The following TOP2A variants were observed in gnomAD, a reference collection of about 807,000 sequenced individuals.
The protein encoded by TOP2A is DNA topoisomerase 2-alpha.
A neutral mutation model predicts 187.2 loss-of-function variants in TOP2A; 68 were observed. That is an observed-to-expected ratio of 0.36 (90% CI 0.30 to 0.44). TOP2A has a LOEUF of 0.44. TOP2A is among the 20% of genes least tolerant of loss of function. The pLI is 1.00. For missense variants in TOP2A, 1,196 were observed against 1,808.7 expected (o/e 0.66, Z 6.14); for synonymous variants, 542 against 593.2 (o/e 0.91, Z 1.25).
intron 4 of TOP2A, among the ~76,000 whole-genome samples, chr17:40,414,637 T>C (rs2035367932): frequency 6.6e-6 from 1 of 152,052 alleles, no homozygotes; most frequent in African/African-American, 2.4e-5. Context: ...GCAGATCACT[T>C]GAGGTCAGGA....
At chr17:40,396,227 C>A in intron 28 of TOP2A, 56 bp downstream of exon 28, 1 of 945,488 alleles carries the variant, frequency 1.1e-6, no homozygotes, top group Non-Finnish European at 1.6e-6. Context: ...GTGATCCACC[C>A]ACCTTGGCCC....
At position 40,390,183 on chromosome 17, in the gene TOP2A, A is replaced by G. The variant is rs1279793758; in HGVS notation, c.4268-19T>C. The G allele has an allele frequency of 2.5e-6, 4 of 1,596,318 alleles. No individual in the cohort carries two copies. Among genetic ancestry groups the G allele is most frequent in the Non-Finnish European group, 3.4e-6 (4 of 1,171,946 alleles). ...GACTGACCTGCAATTCAATACAGGC[A>G]TTTGTCACAGCTGCTCTTTTTTTGA... On this transcript the variant is annotated intron_variant, in intron 33 of 34. Transcript: ENST00000423485.
At chr17:40,413,083 C>CAATATAAG in intron 6 of TOP2A, 112 bp from the exon 7 acceptor site, 1 of 1,275,450 alleles carries the variant, frequency 7.8e-7, no homozygotes, top group Non-Finnish European at 1.1e-6. Flanking sequence ...TTATAATTTT[C>CAATATAAG]CATACTTCAA....
intron 21 of TOP2A, 39 bp downstream of exon 21, chr17:40,400,811 A>G: frequency 6.3e-7 from 1 of 1,598,236 alleles, no homozygotes; most frequent in Non-Finnish European, 8.6e-7. Context: ...CTGAAACCCA[A>G]GGAAAAGTTA....
At position 40,406,958 on chromosome 17, in the gene TOP2A, A is replaced by G. The variant is rs961940356; in HGVS notation, c.1627-16T>C. On this transcript the variant is annotated splice_polypyrimidine_tract_variant and intron_variant, in intron 13 of 34. Transcript: ENST00000423485. ...CATCTTGGTCCTAGAAAGATTTGAA[A>G]GCCAAAGTTCAAAAGAACTGTTAGG... 1 of 1,562,534 alleles carries G rather than the reference A, an allele frequency of 6.4e-7. No homozygotes were observed. The highest frequency in any genetic ancestry group is 1.4e-5 in the African/African-American group (1 of 73,954).
At chr17:40,402,309 G>C (rs1424717629) in intron 20 of TOP2A, among the ~76,000 whole-genome samples, 1 of 152,198 alleles carries the variant, frequency 6.6e-6, no homozygotes, top group Non-Finnish European at 1.5e-5. Flanking sequence ...GGGAGTTCAG[G>C]GGAGAGACCA....
rs758396349 is a variant in TOP2A, at chr17:40,400,901, T to C, written c.2613A>G (p.Glu871=). The C allele has an allele frequency of 1.2e-6, 2 of 1,614,022 alleles. No homozygotes were observed. The highest frequency in any genetic ancestry group is 8.5e-7 in the Non-Finnish European group (1 of 1,179,890). ...TCAAACGCCTGATGTTATTTACAAT[T>C]TCACGCACATCAAAGTTGGGGATTT... ...SCKIPNFDVR[E]IVNNIRRLMD... Residue 871 remains glutamate (E), a synonymous_variant, in exon 21 of 35, where the codon GAA becomes GAG. Coordinates refer to ENST00000423485, the MANE Select transcript of TOP2A (RefSeq NM_001067.4).
At chr17:40,407,732 A>C in intron 12 of TOP2A, 58 bp from the exon 13 acceptor site, 2 of 1,462,978 alleles carry the variant, frequency 1.4e-6, no homozygotes, top group South Asian at 1.3e-5. Context: ...GAACAAAGAA[A>C]TTTAACAGTA....
rs573725979 is a variant in TOP2A at position 40,389,450 on chromosome 17, A to G, written c.*69T>C. ...TAAATTCAGAGGGGAGGAAGTTAAG[A>G]GCTTCAGGTAACTTTAAAACCAGTC... On this transcript the variant is annotated 3_prime_UTR_variant, in exon 35 of 35. Coordinates refer to ENST00000423485, the MANE Select transcript of TOP2A (RefSeq NM_001067.4). 19 of 1,508,106 alleles carry G rather than the reference A, an allele frequency of 1.3e-5. No individual in the cohort carries two copies. In the East Asian group the frequency reaches 2.0e-4, roughly 16 times the overall value. The allele number at this position is 1,508,106 out of a possible 1,614,324, so 93.4% of individuals were successfully genotyped here.
chr17:40,401,104 G>A (rs2143650039), intron 20 of TOP2A, 23 bp from the exon 21 acceptor site: 2 of 1,585,716 alleles, frequency 1.3e-6, no homozygotes, highest in East Asian at 2.2e-5. Context: ...AACAAAGAAT[G>A]TTATTTTACA....
chr17:40,398,493 G>A, intron 27 of TOP2A, 65 bp downstream of exon 27: 1 of 1,342,202 alleles, frequency 7.5e-7, no homozygotes, highest in Non-Finnish European at 1.0e-6. Context: ...CTTGACAAAG[G>A]TATACTGCTG....
rs565043919 is a variant in TOP2A, at chr17:40,405,046, A to G, written c.1954-163T>C. ...GTTCTCTTGCCCAGCCTGGAGTGCA[A>G]TGGTGTCATCTTGGCTCACTGCAAC... is the stretch of plus-strand genomic sequence containing the variant. On this transcript the variant is annotated intron_variant, in intron 16 of 34. Transcript: ENST00000423485. 7.3e-4 allele frequency among the ~76,000 whole-genome samples: 110 copies of G among 151,416 alleles called. No individual in the cohort carries two copies. In the Middle Eastern group the frequency reaches 0.014, roughly 19 times the overall value.
chr17:40,413,236 C>T lies in TOP2A; in HGVS notation c.535G>A (p.Val179Met). 1 of 1,566,422 alleles carries T rather than the reference C, an allele frequency of 6.4e-7. No individual in the cohort carries two copies. Among genetic ancestry groups the T allele is most frequent in the Admixed American group, 1.9e-5 (1 of 53,320 alleles). ...TTGTATTCTCTACTGGCTGTTTCCA[C>T]AGTAAATTTGGTACTGAATATGTTA... ...LCNIFSTKFT[V>M]ETASREYKKM... Residue 179 changes from valine (V) to methionine (M), a missense_variant, in exon 6 of 35, where the codon GTG (valine) becomes ATG (methionine). Physicochemically the swap from Val to Met is conservative, Grantham distance 21. This residue lies in a region of TOP2A where 252 missense variants were observed against 434.8 expected (regional missense o/e 0.58). Coordinates refer to ENST00000423485, the MANE Select transcript of TOP2A (RefSeq NM_001067.4).
At position 40,401,092 on chromosome 17, in the gene TOP2A, G is replaced by C. The variant is rs770874438; in HGVS notation, c.2433-11C>G. ...AATCGAGCCAAAGAGCTAAAGAAAA[G>C]AAACAAAGAATGTTATTTTACAAAA... On this transcript the variant is annotated splice_polypyrimidine_tract_variant and intron_variant, in intron 20 of 34. Transcript: ENST00000423485. 1 of 1,602,704 alleles carries C rather than the reference G, an allele frequency of 6.2e-7. No homozygotes were observed. The highest frequency in any genetic ancestry group is 8.5e-7 in the Non-Finnish European group (1 of 1,172,086).
Position 40,388,837 on chromosome 17 carries a change from G to A in TOP2A, c.*682C>T, listed in dbSNP as rs2034988761. ...TTTGGGAGATTCAGACTCAGAGGCA[G>A]CCAGAGGGGACAGGTCAAGAGCTGA... On this transcript the variant is annotated 3_prime_UTR_variant, in exon 35 of 35. Transcript: ENST00000423485. The A allele has an allele frequency of 5.0e-6, 1 of 198,512 alleles. No individual in the cohort carries two copies. The highest frequency in any genetic ancestry group is 2.3e-5 in the African/African-American group (1 of 43,374). 12.3% of individuals were successfully genotyped at this position (198,512 alleles called of 1,614,324 possible). A position where few individuals can be genotyped will look rare whatever the true frequency, so the allele number is the denominator to read the frequency against.
intron 20 of TOP2A, among the ~76,000 whole-genome samples, chr17:40,402,061 G>T (rs1567785625): frequency 6.6e-6 from 1 of 152,116 alleles, no homozygotes; most frequent in Non-Finnish European, 1.5e-5. Flanking sequence ...GATGAGATGG[G>T]GGTGGCTTAG....
rs747478111 is a variant in TOP2A at position 40,406,680 on chromosome 17, T to C, written c.1747A>G (p.Asn583Asp). Residue 583 changes from asparagine (N) to aspartate (D), a missense_variant, in exon 15 of 35, where the codon AAC (asparagine) becomes GAC (aspartate). Physicochemically the swap from Asn to Asp is conservative, Grantham distance 23. Coordinates refer to ENST00000423485, the MANE Select transcript of TOP2A (RefSeq NM_001067.4). ...CTGTAAAATGCCATTTCTTGCTTGT[T>C]TTTAGATACCTGTGATAAAAAACAA... ...FITPIVKVSK[N>D]KQEMAFYSLP... 11 of 1,612,388 alleles carry C rather than the reference T, an allele frequency of 6.8e-6. No individual in the cohort carries two copies. The South Asian group carries it at 1.2e-4, about 18-fold the overall frequency.
intron 29 of TOP2A, 86 bp downstream of exon 29, chr17:40,395,363 G>A: frequency 1.4e-6 from 1 of 709,516 alleles, no homozygotes; most frequent in Non-Finnish European, 2.2e-6. Flanking sequence ...CAACAAAAAG[G>A]TTTTGAACAT....
chr17:40,408,874 T>C lies in TOP2A; in HGVS notation c.1204-244A>G, dbSNP rs376091883. 508 of 608,792 alleles carry C rather than the reference T, an allele frequency of 8.3e-4. No individual in the cohort carries two copies. The African/African-American group carries it at 8.7e-3, about 10-fold the overall frequency. 37.7% of individuals were successfully genotyped at this position (608,792 alleles called of 1,614,324 possible). A position where few individuals can be genotyped will look rare whatever the true frequency, so the allele number is the denominator to read the frequency against. On this transcript the variant is annotated intron_variant, in intron 10 of 34. Coordinates refer to ENST00000423485, the MANE Select transcript of TOP2A (RefSeq NM_001067.4). ...CTATATAATTATATTGTGCTAGCAC[T>C]GAGCTACTTGTTGGAGATATAGTGG...
Sources: allele counts gnomAD v4.1 joint callset (sites outside exome capture counted in the v4.1 genomes callset), GRCh38; gene constraint gnomAD v4.1.1; regional missense constraint gnomAD v4.1.1; transcripts MANE v1.5; gene names NCBI Gene and HGNC (gene_info 2026-07-23, HGNC 2026-07-21).